SRGAP3: variants seen among roughly 807,000 people sequenced by gnomAD.
SRGAP3 encodes SLIT-ROBO Rho GTPase-activating protein 3.
Under a neutral mutation model 121.1 loss-of-function variants are expected in SRGAP3, and 39 were observed. That is an observed-to-expected ratio of 0.32 (90% CI 0.25 to 0.42). The LOEUF (loss-of-function observed/expected upper bound fraction) is 0.42, where lower values mean the gene tolerates loss of function less well. SRGAP3 is among the 10% of genes least tolerant of loss of function. SRGAP3 has a pLI of 1.00. For synonymous variants in SRGAP3, 601 were observed against 570.0 expected (o/e 1.05, Z -0.77); for missense variants, 1,213 against 1,470.6 (o/e 0.82, Z 2.86).
At chr3:9,185,962 G>A (rs1182546005) in intron 1 of SRGAP3, among the ~76,000 whole-genome samples, 1 of 152,142 alleles carries the variant, frequency 6.6e-6, no homozygotes, top group Non-Finnish European at 1.5e-5. Flanking sequence ...GCCAGGAGTG[G>A]GCAGGCACAC....
chr3:9,301,486 G>C (rs914245957), intron 3 of SRGAP3, among the ~76,000 whole-genome samples: 1 of 152,180 alleles, frequency 6.6e-6, no homozygotes, highest in African/African-American at 2.4e-5. Context: ...AGGGGAGCAG[G>C]GAGACATCTG....
chr3:9,110,614 A>G (rs1948589205), intron 2 of SRGAP3, among the ~76,000 whole-genome samples: 1 of 152,228 alleles, frequency 6.6e-6, no homozygotes, highest in Non-Finnish European at 1.5e-5. Context: ...CTCCTCTGAG[A>G]TGCTGTCCCA....
At position 9,045,513 on chromosome 3, in the gene SRGAP3, A is replaced by G. The variant is rs142727198; in HGVS notation, c.1408+1878T>C. Among the ~76,000 whole-genome samples, 142 of 150,922 alleles carry G rather than the reference A, an allele frequency of 9.4e-4. 1 individual carries two copies. In the East Asian group the frequency reaches 0.027, roughly 28 times the overall value. ...GCCAAAACTAAGTATGGTGATAATGATGATGATGATGATGATGATGATGAT... is the reference window on the plus strand; with the variant it reads ...GCCAAAACTAAGTATGGTGATAATGGTGATGATGATGATGATGATGATGAT... On this transcript the variant is annotated intron_variant, in intron 10 of 21. Coordinates refer to ENST00000383836, the MANE Select transcript of SRGAP3 (RefSeq NM_014850.4).
intron 3 of SRGAP3, among the ~76,000 whole-genome samples, chr3:9,277,664 C>T (rs1954610070): frequency 6.6e-6 from 1 of 150,684 alleles, no homozygotes; most frequent in Non-Finnish European, 1.5e-5. Flanking sequence ...CCTGTAATCC[C>T]AGCTACTTGA....
chr3:9,288,627 G>C lies in SRGAP3; in HGVS notation n.442+37383C>G, dbSNP rs377012325. Among the ~76,000 whole-genome samples the C allele has an allele frequency of 1.9e-4, 29 of 150,242 alleles. 1 individual carries two copies. The highest frequency in any genetic ancestry group is 4.7e-4 in the Admixed American group (7 of 15,006). ...TTCTCACTCTGTCACCCAGGCTGGA[G>C]TACAGTGTGTGATCAGAGCTTACTG... On this transcript the variant is annotated intron_variant and non_coding_transcript_variant, in intron 3 of 3. Transcript: ENST00000490889.
intron 1 of SRGAP3, among the ~76,000 whole-genome samples, chr3:9,162,460 A>G (rs1188273283): frequency 6.6e-6 from 1 of 152,076 alleles, no homozygotes; most frequent in Non-Finnish European, 1.5e-5. Flanking sequence ...GGCGATTTCA[A>G]TCCTAATATT....
intron 1 of SRGAP3, among the ~76,000 whole-genome samples, chr3:9,158,699 A>C (rs1391045750): frequency 2.0e-5 from 3 of 152,110 alleles, no homozygotes; most frequent in East Asian, 3.9e-4. Flanking sequence ...TAGGGAAAGC[A>C]CAGAATCTCA....
At chr3:9,254,704 G>GA (rs1222943504) in intron 3 of SRGAP3, among the ~76,000 whole-genome samples, 1 of 152,110 alleles carries the variant, frequency 6.6e-6, no homozygotes, top group Non-Finnish European at 1.5e-5. Flanking sequence ...GTTGAGGTGG[G>GA]AGAATCACTT....
chr3:9,022,142 C>T (rs1213844409), intron 14 of SRGAP3, among the ~76,000 whole-genome samples: 1 of 152,194 alleles, frequency 6.6e-6, no homozygotes, highest in Non-Finnish European at 1.5e-5. Context: ...TCCTGGCCAA[C>T]ATGGTGAAAC....
At chr3:9,211,781 T>C (rs1359855342) in intron 1 of SRGAP3, among the ~76,000 whole-genome samples, 4 of 151,518 alleles carry the variant, frequency 2.6e-5, no homozygotes, top group Non-Finnish European at 5.9e-5. Flanking sequence ...GCTTAAGCCT[T>C]CCTCTCACAT....
At chr3:9,341,389 C>T (rs553244930) in intron 1 of SRGAP3, among the ~76,000 whole-genome samples, 16 of 152,210 alleles carry the variant, frequency 1.1e-4, no homozygotes, top group Non-Finnish European at 1.8e-4. Context: ...GCTTAAAGCA[C>T]GAAGAAAAGA....
At chr3:9,117,148 C>G (rs999588898) in intron 2 of SRGAP3, among the ~76,000 whole-genome samples, 1 of 152,244 alleles carries the variant, frequency 6.6e-6, no homozygotes, top group Non-Finnish European at 1.5e-5. Context: ...TGAATGGAGA[C>G]ACAAGCCCTA....
At chr3:9,197,193 T>C (rs748977276) in intron 1 of SRGAP3, among the ~76,000 whole-genome samples, 1 of 152,244 alleles carries the variant, frequency 6.6e-6, no homozygotes, top group Non-Finnish European at 1.5e-5. Context: ...CCTGAATTCA[T>C]CATTCTGCTA....
At chr3:9,324,496 C>A (rs914726568) in intron 3 of SRGAP3, among the ~76,000 whole-genome samples, 1 of 151,858 alleles carries the variant, frequency 6.6e-6, no homozygotes, top group Non-Finnish European at 1.5e-5. Context: ...GTTTACAGGA[C>A]AAAAACAAAA....
intron 3 of SRGAP3, among the ~76,000 whole-genome samples, chr3:9,082,791 C>T (rs1046556985): frequency 6.6e-6 from 1 of 152,186 alleles, no homozygotes; most frequent in Non-Finnish European, 1.5e-5. Context: ...CTCATGAAGG[C>T]TTAATATCAG....
chr3:9,308,161 C>T (rs1175298542), intron 3 of SRGAP3, among the ~76,000 whole-genome samples: 1 of 152,032 alleles, frequency 6.6e-6, no homozygotes, highest in African/African-American at 2.4e-5. Flanking sequence ...TCTCAAAAAA[C>T]AGGCCACAGC....
At chr3:9,361,089 C>A (rs1170275693) in intron 1 of SRGAP3, among the ~76,000 whole-genome samples, 3 of 152,078 alleles carry the variant, frequency 2.0e-5, no homozygotes, top group Non-Finnish European at 4.4e-5. Context: ...AATATCTATT[C>A]AAGCCCTTTA....
rs145031511 is a variant in SRGAP3 at position 9,327,065 on chromosome 3, GA to G, written n.284-898del. On this transcript the variant is annotated intron_variant and non_coding_transcript_variant, in intron 2 of 3. Transcript: ENST00000490889. ...TTACATAAAAATCATTTTTAAAAGA[GA>G]AAACCAAATTTTATGTTTCCATTAG... 6.2e-3 allele frequency among the ~76,000 whole-genome samples: 940 copies of G among 151,804 alleles called. 7 individuals carry two copies. The highest frequency in any genetic ancestry group is 0.022 in the African/African-American group (902 of 41,534).
At chr3:9,220,153 T>C (rs529874765) in intron 1 of SRGAP3, among the ~76,000 whole-genome samples, 2 of 152,216 alleles carry the variant, frequency 1.3e-5, no homozygotes, top group Admixed American at 1.3e-4. Flanking sequence ...AACAAGATAT[T>C]GGCTATTTCA....
Sources: allele counts gnomAD v4.1 joint callset (sites outside exome capture counted in the v4.1 genomes callset), GRCh38; gene constraint gnomAD v4.1.1; transcripts MANE v1.5; gene names NCBI Gene and HGNC (gene_info 2026-07-23, HGNC 2026-07-21).